SLC25A21: variants seen among roughly 807,000 people sequenced by gnomAD.
SLC25A21 encodes the protein solute carrier family 25 member 21, also known as mitochondrial 2-oxodicarboxylate carrier.
SLC25A21 carries 47 observed loss-of-function variants against 43.8 expected under a neutral mutation model. The observed-to-expected ratio is 1.07, with a 90% confidence interval of 0.85 to 1.37. The LOEUF (loss-of-function observed/expected upper bound fraction) is 1.37, where lower values mean the gene tolerates loss of function less well. Ranked by LOEUF, SLC25A21 falls within the 40% of genes most tolerant of loss-of-function variation. SLC25A21 has a pLI of 0.00. For missense variants in SLC25A21, 352 were observed against 350.2 expected (o/e 1.00, Z -0.04); for synonymous variants, 131 against 121.3 (o/e 1.08, Z -0.52).
chr14:36,940,517 G>A (rs1425307707), intron 1 of SLC25A21, among the ~76,000 whole-genome samples: 2 of 152,016 alleles, frequency 1.3e-5, no homozygotes, highest in African/African-American at 2.4e-5. Context: ...GTGATGTGTT[G>A]CCAGGATGTT....
intron 6 of SLC25A21, among the ~76,000 whole-genome samples, chr14:36,722,223 A>G (rs556299063): frequency 6.6e-6 from 1 of 152,344 alleles, no homozygotes; most frequent in South Asian, 2.1e-4. Context: ...TTACACACTG[A>G]AATGAGAAAT....
At chr14:36,838,413 C>T (rs1889281011) in intron 2 of SLC25A21, among the ~76,000 whole-genome samples, 1 of 152,198 alleles carries the variant, frequency 6.6e-6, no homozygotes, top group Non-Finnish European at 1.5e-5. Flanking sequence ...GGACACACTG[C>T]ACCTGCTTTT....
intron 1 of SLC25A21, among the ~76,000 whole-genome samples, chr14:37,108,379 C>T (rs1227690256): frequency 2.6e-5 from 4 of 151,970 alleles, no homozygotes; most frequent in Non-Finnish European, 5.9e-5. Context: ...CATTAAGTCA[C>T]TATTAACCAT....
At chr14:36,867,505 A>G (rs1182001889) in intron 2 of SLC25A21, among the ~76,000 whole-genome samples, 3 of 152,096 alleles carry the variant, frequency 2.0e-5, no homozygotes, top group African/African-American at 7.2e-5. Flanking sequence ...CAGCCCCAAA[A>G]CGACGTGTGG....
chr14:37,170,776 C>T (rs1964110502), intron 1 of SLC25A21, among the ~76,000 whole-genome samples: 1 of 151,212 alleles, frequency 6.6e-6, no homozygotes, highest in African/African-American at 2.4e-5. Flanking sequence ...AAAAAAAAAT[C>T]CCCTTCCCCC....
chr14:36,712,485 A>C (rs1191953081), intron 6 of SLC25A21, among the ~76,000 whole-genome samples: 1 of 152,184 alleles, frequency 6.6e-6, no homozygotes, highest in Non-Finnish European at 1.5e-5. Context: ...ATGTGCAATT[A>C]AGGCTACATC....
At chr14:37,005,833 A>G (rs1960591023) in intron 1 of SLC25A21, among the ~76,000 whole-genome samples, 1 of 152,246 alleles carries the variant, frequency 6.6e-6, no homozygotes, top group Admixed American at 6.5e-5. Context: ...TGAATGTGAA[A>G]CAAAGTATAT....
intron 2 of SLC25A21, among the ~76,000 whole-genome samples, chr14:36,831,754 C>G (rs1230065960): frequency 6.6e-6 from 1 of 152,094 alleles, no homozygotes. Context: ...TTTCTTCAAA[C>G]ATTCTTTTAT....
At chr14:36,708,962 G>A (rs968500622) in intron 7 of SLC25A21, among the ~76,000 whole-genome samples, 2 of 151,704 alleles carry the variant, frequency 1.3e-5, no homozygotes, top group African/African-American at 4.8e-5. Context: ...TTGTGCTTGT[G>A]GATTTTCTTT....
chr14:37,047,405 T>G (rs969762382), intron 1 of SLC25A21, among the ~76,000 whole-genome samples: 2 of 151,980 alleles, frequency 1.3e-5, no homozygotes, highest in Admixed American at 6.6e-5. Context: ...AAGTTGGAAG[T>G]ATGAGAGCAA....
intron 2 of SLC25A21, among the ~76,000 whole-genome samples, chr14:36,841,565 T>C (rs1259954603): frequency 2.6e-5 from 4 of 152,208 alleles, no homozygotes; most frequent in African/African-American, 9.7e-5. Context: ...CTCTCCACTT[T>C]CACTGATTTC....
At chr14:37,134,647 C>CT (rs1307477416) in intron 1 of SLC25A21, among the ~76,000 whole-genome samples, 3 of 44,368 alleles carry the variant, frequency 6.8e-5, no homozygotes, top group South Asian at 1.6e-3. Context: ...GACTCCATCT[C>CT]TAAAAAAAAA....
chr14:36,958,334 T>C (rs946787939), intron 1 of SLC25A21, among the ~76,000 whole-genome samples: 4 of 152,232 alleles, frequency 2.6e-5, no homozygotes, highest in Admixed American at 1.3e-4. Context: ...TTTCCAAGTT[T>C]TGTCCCATGT....
intron 1 of SLC25A21, among the ~76,000 whole-genome samples, chr14:36,977,188 G>A (rs1283944008): frequency 6.6e-6 from 1 of 151,896 alleles, no homozygotes; most frequent in Non-Finnish European, 1.5e-5. Context: ...TCTGATCTGG[G>A]GATCTATGGC....
intron 1 of SLC25A21, among the ~76,000 whole-genome samples, chr14:37,033,355 T>C (rs185022173): frequency 7.0e-4 from 106 of 152,368 alleles, no homozygotes; most frequent in African/African-American, 2.3e-3. Context: ...TTTTAAAATT[T>C]GTTCATTAGT....
chr14:36,824,962 T>C (rs1888771827), intron 2 of SLC25A21, among the ~76,000 whole-genome samples: 1 of 151,964 alleles, frequency 6.6e-6, no homozygotes. Context: ...TGGACATCTT[T>C]GTAGGAGGTT....
intron 3 of SLC25A21, among the ~76,000 whole-genome samples, chr14:36,752,006 G>A (rs567186783): frequency 1.3e-5 from 2 of 152,210 alleles, no homozygotes; most frequent in Non-Finnish European, 2.9e-5. Flanking sequence ...TATGTGCCAG[G>A]CATGCATCTC....
At chr14:36,733,553 A>G (rs1270675475) in intron 4 of SLC25A21, among the ~76,000 whole-genome samples, 1 of 152,230 alleles carries the variant, frequency 6.6e-6, no homozygotes, top group African/African-American at 2.4e-5. Flanking sequence ...TGATTTTATC[A>G]TAATTTTTAA....
chr14:36,926,587 G>GCA (rs1368677721), intron 1 of SLC25A21, among the ~76,000 whole-genome samples: 2 of 151,978 alleles, frequency 1.3e-5, no homozygotes, highest in African/African-American at 4.8e-5. Context: ...AAAGCAGAGA[G>GCA]GACAACACTG....
Sources: allele counts gnomAD v4.1 joint callset (sites outside exome capture counted in the v4.1 genomes callset), GRCh38; gene constraint gnomAD v4.1.1; transcripts MANE v1.5; gene names NCBI Gene and HGNC (gene_info 2026-07-23, HGNC 2026-07-21).